CSMD2: variants seen among roughly 807,000 people sequenced by gnomAD.
The protein encoded by CSMD2 is CUB and sushi domain-containing protein 2.
CSMD2 carries 130 observed loss-of-function variants against 398.5 expected under a neutral mutation model. That is an observed-to-expected ratio of 0.33 (90% confidence interval 0.28 to 0.38). The LOEUF is 0.38. Among genes scored for constraint, CSMD2 ranks in the 10% least tolerant of loss-of-function variants. The pLI, the probability that CSMD2 is intolerant of heterozygous loss-of-function variation, is 1.00. For synonymous variants in CSMD2, 1,828 were observed against 1,908.5 expected, an observed-to-expected ratio of 0.96 and a Z score of 1.10; for missense variants, 3,829 against 4,764.9, an observed-to-expected ratio of 0.80 and a Z score of 5.78.
chr1:33,947,642 C>T (rs940675834), intron 3 of CSMD2, among the ~76,000 whole-genome samples: 3 of 152,098 alleles, frequency 2.0e-5, no homozygotes, highest in East Asian at 3.9e-4. Context: ...GAGGAAGAGG[C>T]GTCTGACCAC....
At chr1:33,990,077 C>G (rs924404404) in intron 3 of CSMD2, among the ~76,000 whole-genome samples, 1 of 151,982 alleles carries the variant, frequency 6.6e-6, no homozygotes, top group African/African-American at 2.4e-5. Context: ...TCGAGACCAG[C>G]CTGGCCAACA....
intron 1 of CSMD2, among the ~76,000 whole-genome samples, chr1:34,151,744 T>C (rs1640339637): frequency 6.6e-6 from 1 of 151,986 alleles, no homozygotes; most frequent in Non-Finnish European, 1.5e-5. Context: ...CCCAAGTAGG[T>C]AGACTTTCTA....
At chr1:33,930,697 T>G (rs1421886197) in intron 4 of CSMD2, among the ~76,000 whole-genome samples, 6 of 152,176 alleles carry the variant, frequency 3.9e-5, no homozygotes, top group Non-Finnish European at 8.8e-5. Context: ...TTCCCTCTTG[T>G]GGATCAAAGA....
intron 3 of CSMD2, among the ~76,000 whole-genome samples, chr1:33,971,397 GT>G (rs1168725124): frequency 6.6e-6 from 1 of 152,238 alleles, no homozygotes; most frequent in Non-Finnish European, 1.5e-5. Context: ...CAGCCACTGG[GT>G]CCAGCCCTGA....
At chr1:34,149,209 C>G (rs1365960458) in intron 1 of CSMD2, among the ~76,000 whole-genome samples, 1 of 152,138 alleles carries the variant, frequency 6.6e-6, no homozygotes, top group Middle Eastern at 3.2e-3. Context: ...TCACTGGGAC[C>G]ACAGACTCTC....
chr1:33,923,588 G>A (rs1384219682), intron 4 of CSMD2, among the ~76,000 whole-genome samples: 2 of 152,282 alleles, frequency 1.3e-5, no homozygotes, highest in East Asian at 1.9e-4. Context: ...TCCATTCAGG[G>A]TATTTAGGGC....
Position 33,662,945 on chromosome 1 carries a change from C to A in CSMD2, c.4200G>T (p.Leu1400=). Reference sequence around the variant, plus strand: ...TGGTGAAGAAGTCAGTGCTGAACTGCAGGACGACCGAGTTGAAGGTGCTAT... The same window carrying A: ...TGGTGAAGAAGTCAGTGCTGAACTGAAGGACGACCGAGTTGAAGGTGCTAT... ...DLHSTFNSVV[L]QFSTDFFTSK... is the part of the protein sequence containing the mutation. The change falls in exon 26 of 71, where the codon CTG becomes CTT. Residue 1400 remains leucine, a synonymous_variant. Coordinates refer to ENST00000373381, the MANE Select transcript of CSMD2 (RefSeq NM_001281956.2). The A allele has an allele frequency of 6.2e-7, 1 of 1,614,198 alleles. No individual in the cohort carries two copies. Among genetic ancestry groups the A allele is most frequent in the African/African-American group, 1.3e-5 (1 of 75,056 alleles).
intron 13 of CSMD2, among the ~76,000 whole-genome samples, chr1:33,762,352 A>G (rs931906931): frequency 2.0e-5 from 3 of 152,234 alleles, no homozygotes; most frequent in African/African-American, 7.2e-5. Flanking sequence ...TGGATATTTT[A>G]CAGAGAAAAC....
chr1:34,093,370 C>T (rs1040119624), intron 1 of CSMD2, among the ~76,000 whole-genome samples: 265 of 152,262 alleles, frequency 1.7e-3, no homozygotes, highest in African/African-American at 6.0e-3. Context: ...TCCAAAGGAA[C>T]GCAGCTCCTC....
At chr1:34,156,273 T>C (rs1028417727) in intron 1 of CSMD2, among the ~76,000 whole-genome samples, 2 of 152,142 alleles carry the variant, frequency 1.3e-5, no homozygotes, top group South Asian at 4.1e-4. Context: ...GAGGAAGCAA[T>C]GAAGGTTGGT....
chr1:33,836,806 C>T (rs977062831), intron 6 of CSMD2, among the ~76,000 whole-genome samples: 1 of 152,244 alleles, frequency 6.6e-6, no homozygotes, highest in Non-Finnish European at 1.5e-5. Context: ...ACCCCTTGCA[C>T]TTCCTGGGTG....
chr1:34,076,968 C>A (rs1222981124), intron 2 of CSMD2, among the ~76,000 whole-genome samples: 2 of 124,342 alleles, frequency 1.6e-5, no homozygotes, highest in African/African-American at 3.1e-5. Context: ...GAAGGCTTGA[C>A]TCCCATGACT....
At chr1:33,954,638 A>C (rs1432790623) in intron 3 of CSMD2, among the ~76,000 whole-genome samples, 1 of 152,170 alleles carries the variant, frequency 6.6e-6, no homozygotes, top group East Asian at 1.9e-4. Context: ...AAAAGACGGG[A>C]ATTCTGACAC....
chr1:33,982,678 T>G (rs1455315681), intron 3 of CSMD2, among the ~76,000 whole-genome samples: 4 of 151,886 alleles, frequency 2.6e-5, no homozygotes, highest in African/African-American at 4.8e-5. Context: ...GACCTGCCAG[T>G]TGGTGGAGGA....
intron 4 of CSMD2, among the ~76,000 whole-genome samples, chr1:33,924,811 A>G (rs1312510631): frequency 6.6e-6 from 1 of 152,186 alleles, no homozygotes; most frequent in Non-Finnish European, 1.5e-5. Context: ...ACATTTTTTC[A>G]TATACCTGTT....
intron 13 of CSMD2, among the ~76,000 whole-genome samples, chr1:33,747,285 C>T (rs1647518703): frequency 6.6e-6 from 1 of 152,120 alleles, no homozygotes; most frequent in Admixed American, 6.5e-5. Context: ...ACAAATATTC[C>T]TTGGAACAGA....
chr1:33,751,286 T>C (rs1321073878), intron 13 of CSMD2, among the ~76,000 whole-genome samples: 1 of 149,536 alleles, frequency 6.7e-6, no homozygotes, highest in Non-Finnish European at 1.5e-5. Context: ...AGTCAAGAGG[T>C]AGGAGAAAAC....
chr1:33,601,819 C>T (rs901863246), intron 43 of CSMD2, among the ~76,000 whole-genome samples: 2 of 152,202 alleles, frequency 1.3e-5, no homozygotes, highest in Non-Finnish European at 2.9e-5. Context: ...TTTAAATTAT[C>T]AAGATTAAAT....
At chr1:34,108,450 T>A (rs1201321523) in intron 1 of CSMD2, among the ~76,000 whole-genome samples, 2 of 152,202 alleles carry the variant, frequency 1.3e-5, no homozygotes, top group African/African-American at 2.4e-5. Flanking sequence ...TTCACAGAGA[T>A]GCTCTGATGC....
Sources: gnomAD v4.1 joint callset for allele counts (sites outside exome capture counted in the v4.1 genomes callset) on GRCh38, gnomAD v4.1.1 for gene constraint, MANE v1.5 for transcripts, NCBI Gene and HGNC (gene_info 2026-07-23, HGNC 2026-07-21) for gene names.